PTPRS: variants seen among roughly 807,000 people sequenced by gnomAD.
PTPRS encodes the protein receptor-type tyrosine-protein phosphatase S.
A neutral mutation model predicts 215.3 loss-of-function variants in PTPRS; 63 were observed. That is an observed-to-expected ratio of 0.29 (90% confidence interval 0.24 to 0.36). The LOEUF (loss-of-function observed/expected upper bound fraction) is 0.36. Ranked by LOEUF, PTPRS falls within the 10% of genes least tolerant of loss-of-function variation. The probability of loss-of-function intolerance (pLI) is 1.00; values close to 1 mark genes in which losing one functional copy is unlikely to be tolerated. For missense variants in PTPRS, 2,258 were observed against 2,825.8 expected (o/e 0.80, Z 4.56); for synonymous variants, 1,404 against 1,191.4 (o/e 1.18, Z -3.68).
At chr19:5,255,918 T>C (rs1465590705) in intron 9 of PTPRS, among the ~76,000 whole-genome samples, 190 bp downstream of exon 9, 1 of 152,216 alleles carries the variant, frequency 6.6e-6, no homozygotes, top group Non-Finnish European at 1.5e-5. Flanking sequence ...GGCGGTTTTT[T>C]GTTTAGTTTG....
chr19:5,307,841 C>T (rs963329011), intron 1 of PTPRS, among the ~76,000 whole-genome samples: 7 of 152,148 alleles, frequency 4.6e-5, no homozygotes, highest in South Asian at 4.1e-4. Context: ...TCCGGCCCAC[C>T]GTTTGTTTTT....
intron 1 of PTPRS, among the ~76,000 whole-genome samples, chr19:5,289,499 T>C (rs192521087): frequency 5.7e-4 from 87 of 152,276 alleles, no homozygotes; most frequent in Admixed American, 4.7e-3. Context: ...GGCTCCCACC[T>C]GCCTCGGGGT....
chr19:5,245,928 A>C lies in PTPRS; in HGVS notation c.836T>G (p.Met279Arg). 6.2e-7 allele frequency: 1 copy of C among 1,613,576 alleles called. No individual in the cohort carries two copies. The highest frequency in any genetic ancestry group is 8.5e-7 in the Non-Finnish European group (1 of 1,179,862). ...GGGGGTCAGGTCCTCGGCCCCCTGC[A>C]TCCACTTCACGTATGGCATGGGCGA... ...VGSPMPYVKW[M>R]QGAEDLTPED... is the part of the protein sequence containing the mutation. The change falls in exon 10 of 38, where the codon ATG becomes AGG. Residue 279 changes from methionine to arginine, a missense_variant. Met to Arg is a moderately conservative substitution (Grantham distance 91). Transcript: ENST00000262963.
chr19:5,320,055 G>C (rs2058098695), intron 1 of PTPRS, among the ~76,000 whole-genome samples: 1 of 152,232 alleles, frequency 6.6e-6, no homozygotes, highest in Non-Finnish European at 1.5e-5. Flanking sequence ...CCAGATGATG[G>C]AAAGCGCAAA....
chr19:5,298,456 C>T (rs1335018388), intron 1 of PTPRS, among the ~76,000 whole-genome samples: 2 of 152,218 alleles, frequency 1.3e-5, no homozygotes, highest in Non-Finnish European at 1.5e-5. Flanking sequence ...CCAGACATTT[C>T]ATTTAGGTAC....
chr19:5,267,382 C>T (rs915096887), intron 4 of PTPRS, among the ~76,000 whole-genome samples: 5 of 151,906 alleles, frequency 3.3e-5, no homozygotes, highest in South Asian at 4.2e-4. Flanking sequence ...ATGGGCCGGC[C>T]GTGGGGGCTC....
In PTPRS at chr19:5,274,448, G is replaced by T. The variant is rs574278924; in HGVS notation, c.92-104C>A. On this transcript the variant is annotated intron_variant, in intron 2 of 37. Transcript: ENST00000262963. ...TGCATTCCATGCCCTGCCCACGGAAGTGCCATGTGGCCAATGAAGAGAGGA... is the reference window on the plus strand; with the variant it reads ...TGCATTCCATGCCCTGCCCACGGAATTGCCATGTGGCCAATGAAGAGAGGA... 3.8e-6 allele frequency: 5 copies of T among 1,309,866 alleles called. No individual in the cohort carries two copies. In the African/African-American group the frequency reaches 4.4e-5, roughly 12 times the overall value. 81.1% of individuals were successfully genotyped at this position (1,309,866 alleles called of 1,614,324 possible).
chr19:5,267,062 T>A (rs998262508), intron 4 of PTPRS, among the ~76,000 whole-genome samples: 1 of 152,100 alleles, frequency 6.6e-6, no homozygotes, highest in African/African-American at 2.4e-5. Flanking sequence ...AGGAGCTCAA[T>A]CAATGAACAA....
chr19:5,213,645 CTTAATGTATAACATAT>C (rs2041141114), intron 30 of PTPRS, among the ~76,000 whole-genome samples: 2 of 54,344 alleles, frequency 3.7e-5, no homozygotes, highest in African/African-American at 9.8e-5. Context: ...ATAACATATG[CTTAATGTATAACATAT>C]GCTTAATGTG....
At chr19:5,239,158 G>C in intron 12 of PTPRS, 95 bp from the exon 13 acceptor site, 3 of 714,684 alleles carry the variant, frequency 4.2e-6, no homozygotes, top group Non-Finnish European at 2.2e-6. Flanking sequence ...AACAGAGGGG[G>C]GAGGGGGAGA....
At chr19:5,246,919 G>T (rs559626467) in intron 9 of PTPRS, among the ~76,000 whole-genome samples, 1 of 152,058 alleles carries the variant, frequency 6.6e-6, no homozygotes, top group Non-Finnish European at 1.5e-5. Context: ...GAGAGCGAGC[G>T]AGAGACAGAG....
chr19:5,316,720 G>T (rs879788647), intron 1 of PTPRS, among the ~76,000 whole-genome samples: 1 of 152,008 alleles, frequency 6.6e-6, no homozygotes, highest in Admixed American at 6.6e-5. Context: ...ATGGAGGCGG[G>T]GTTTCACCAG....
At chr19:5,254,479 A>G (rs2045401539) in intron 9 of PTPRS, among the ~76,000 whole-genome samples, 1 of 147,040 alleles carries the variant, frequency 6.8e-6, no homozygotes, top group African/African-American at 2.6e-5. Context: ...TTTCTTGGGG[A>G]GGGGAGCAGA....
intron 1 of PTPRS, among the ~76,000 whole-genome samples, chr19:5,323,218 G>C (rs1463063790): frequency 6.6e-6 from 1 of 152,104 alleles, no homozygotes; most frequent in African/African-American, 2.4e-5. Context: ...AATTAGCTGG[G>C]CATGGTGGCA....
intron 4 of PTPRS, among the ~76,000 whole-genome samples, chr19:5,267,596 G>A (rs1300045046): frequency 6.6e-6 from 1 of 151,498 alleles, no homozygotes; most frequent in Non-Finnish European, 1.5e-5. Context: ...GGTGGAGGTT[G>A]CAGTGAGCTG....
At position 5,257,974 on chromosome 19, in the gene PTPRS, C is replaced by CG. The variant is rs771669241; in HGVS notation, c.706+42dup. On this transcript the variant is annotated intron_variant, in intron 8 of 37. Transcript: ENST00000262963. The surrounding 1 kb of genome is among the most constrained non-coding windows in gnomAD (Gnocchi z 4.4). ...AGCCCGAGGAGGGAGGGGGATGGGACGGGGCGGGTCCCTGCCTTTGACCTG... is the reference window on the plus strand; with the variant it reads ...AGCCCGAGGAGGGAGGGGGATGGGACGGGGGCGGGTCCCTGCCTTTGACCTG... 5 of 1,514,868 alleles carry CG rather than the reference C, an allele frequency of 3.3e-6. No individual in the cohort carries two copies. Among genetic ancestry groups the CG allele is most frequent in the African/African-American group, 1.4e-5 (1 of 72,178 alleles). 93.8% of individuals were successfully genotyped at this position (1,514,868 alleles called of 1,614,324 possible).
In PTPRS at chr19:5,229,355, G is replaced by A. The variant is rs767574387; in HGVS notation, c.2350-13C>T. ...CATCCGTCTCCCACTGAGCGCGGGA[G>A]GAGGCGGCAGGGGAGAGAGGAGGAA... On this transcript the variant is annotated splice_polypyrimidine_tract_variant and intron_variant, in intron 15 of 37. Transcript: ENST00000262963. 36 of 1,377,072 alleles carry A rather than the reference G, an allele frequency of 2.6e-5. No homozygotes were observed. The highest frequency in any genetic ancestry group is 3.1e-5 in the Non-Finnish European group (33 of 1,060,358). The allele number at this position is 1,377,072 out of a possible 1,614,324, so 85.3% of individuals were successfully genotyped here. A position where few individuals can be genotyped will look rare whatever the true frequency, so the allele number is the denominator to read the frequency against.
chr19:5,281,430 C>T (rs553514344), intron 2 of PTPRS, among the ~76,000 whole-genome samples: 133 of 152,278 alleles, frequency 8.7e-4, no homozygotes, highest in African/African-American at 2.6e-3. Flanking sequence ...CATTGCACTC[C>T]AGCCTGGGGG....
In PTPRS at chr19:5,215,433, GC is replaced by G. The variant is rs113230697; in HGVS notation, c.4195-22del. 5,228 of 1,612,602 alleles carry G rather than the reference GC, an allele frequency of 3.2e-3. 166 individuals carry two copies. The African/African-American group carries it at 0.062, about 19-fold the overall frequency. The stretch of plus-strand genomic sequence containing the variant: ...ATGGACTACAGAGGAAGGGGAGAGC[GC>G]GGGTGTCAGGGTAGGTGCCTGTGAG... On this transcript the variant is annotated intron_variant, in intron 27 of 37. Transcript: ENST00000262963.
Sources: allele counts gnomAD v4.1 joint callset (sites outside exome capture counted in the v4.1 genomes callset), GRCh38; gene constraint gnomAD v4.1.1; non-coding constraint Gnocchi (gnomAD v3.1); transcripts MANE v1.5; gene names NCBI Gene and HGNC (gene_info 2026-07-23, HGNC 2026-07-21).